Variants in ST6GAL2 observed in about 807,000 individuals in gnomAD.
The protein encoded by ST6GAL2 is ST6 beta-galactoside alpha-2,6-sialyltransferase 2.
In ST6GAL2, 24 loss-of-function variants were observed where a neutral mutation model predicts 37.5. That is an observed-to-expected ratio of 0.64 (90% CI 0.46 to 0.90). ST6GAL2 has a LOEUF of 0.90. ST6GAL2 is among the 40% of genes least tolerant of loss of function. The probability of loss-of-function intolerance (pLI) is 0.00; values close to 1 mark genes in which losing one functional copy is unlikely to be tolerated. For missense variants in ST6GAL2, 715 were observed against 712.7 expected, an observed-to-expected ratio of 1.00 and a Z score of -0.04; for synonymous variants, 306 against 295.1, an observed-to-expected ratio of 1.04 and a Z score of -0.38.
At chr2:106,878,294 C>T (rs1195840985) in intron 1 of ST6GAL2, among the ~76,000 whole-genome samples, 1 of 151,362 alleles carries the variant, frequency 6.6e-6, no homozygotes, top group Non-Finnish European at 1.5e-5. Context: ...GAGACCCTGT[C>T]TCTCCAAAAA....
chr2:106,813,307 T>G (rs1675681778), intron 5 of ST6GAL2: 1 of 944,020 alleles, frequency 1.1e-6, no homozygotes, highest in Non-Finnish European at 1.4e-6. Flanking sequence ...TTTGCTGAAC[T>G]GTATGCTTTT....
Position 106,876,282 on chromosome 2 carries a change from T to C in ST6GAL2, c.-58+9811A>G, listed in dbSNP as rs143107450. 7.4e-3 allele frequency among the ~76,000 whole-genome samples: 1,130 copies of C among 152,336 alleles called. 16 individuals carry two copies. The highest frequency in any genetic ancestry group is 0.026 in the African/African-American group (1,062 of 41,570). The stretch of plus-strand genomic sequence containing the variant: ...TACATTTTAAAATTTACTTTTGGTC[T>C]TCTGGTTATAGTCTACTGAAGGAAG... On this transcript the variant is annotated intron_variant, in intron 1 of 5. Coordinates refer to ENST00000409382, the MANE Select transcript of ST6GAL2 (RefSeq NM_001142351.2).
chr2:106,861,476 G>A (rs1169526346), intron 1 of ST6GAL2, among the ~76,000 whole-genome samples: 1 of 152,088 alleles, frequency 6.6e-6, no homozygotes, highest in Non-Finnish European at 1.5e-5. Flanking sequence ...GTGCTAGATG[G>A]TGGGGATTAA....
intron 1 of ST6GAL2, among the ~76,000 whole-genome samples, chr2:106,879,439 C>T (rs1367174849): frequency 6.6e-6 from 1 of 152,088 alleles, no homozygotes; most frequent in Non-Finnish European, 1.5e-5. Context: ...AAATAACCTA[C>T]TTAAAGGCAC....
At chr2:106,856,847 A>C (rs1287286305) in intron 1 of ST6GAL2, among the ~76,000 whole-genome samples, 1 of 152,254 alleles carries the variant, frequency 6.6e-6, no homozygotes, top group Admixed American at 6.5e-5. Flanking sequence ...TTTTGAATTT[A>C]GATATTCTAC....
At chr2:106,813,039 A>AG in intron 5 of ST6GAL2, 2 of 1,229,214 alleles carry the variant, frequency 1.6e-6, no homozygotes, top group Non-Finnish European at 2.0e-6. Context: ...TATTTTTTCA[A>AG]GCCAATCAAA....
chr2:106,885,310 T>C (rs536154745), intron 1 of ST6GAL2, among the ~76,000 whole-genome samples: 7 of 152,090 alleles, frequency 4.6e-5, no homozygotes, highest in African/African-American at 1.7e-4. Flanking sequence ...TAAAAATAAG[T>C]TCACAAAAAT....
At chr2:106,884,906 C>CATATATATATATATAT (rs772381082) in intron 1 of ST6GAL2, among the ~76,000 whole-genome samples, 224 of 76,366 alleles carry the variant, frequency 2.9e-3, no homozygotes, top group South Asian at 6.1e-3. Context: ...ATTTGCAGCG[C>CATATATATATATATAT]ATATATATAT....
chr2:106,882,465 T>C (rs1378410406), intron 1 of ST6GAL2, among the ~76,000 whole-genome samples: 1 of 152,212 alleles, frequency 6.6e-6, no homozygotes, highest in East Asian at 1.9e-4. Context: ...GCAAAGCAAA[T>C]GGCAGGATGT....
At position 106,843,110 on chromosome 2, in the gene ST6GAL2, G is replaced by A; in HGVS notation, c.868C>T (p.Pro290Ser). 6.4e-7 allele frequency: 1 copy of A among 1,559,454 alleles called. No homozygotes were observed. Among genetic ancestry groups the A allele is most frequent in the African/African-American group, 1.4e-5 (1 of 71,156 alleles). The change falls in exon 2 of 6, where the codon CCC becomes TCC. Residue 290 changes from proline to serine, a missense_variant. Physicochemically the swap from Pro to Ser is moderately conservative, Grantham distance 74. Around this residue, in one of 3 missense-constraint regions of ST6GAL2, gnomAD observed 512 missense variants for 488.8 expected, o/e 1.05. Coordinates refer to ENST00000409382, the MANE Select transcript of ST6GAL2 (RefSeq NM_001142351.2). ...ACAGCGCAGCTGCGCAGGCCGCGGG[G>A]GTGCAGCTGGCTCAGGGGCACGGCG... Reference protein sequence around the residue: ...VPAVPLSQLHPRGLRSCAVVM... With the variant: ...VPAVPLSQLHSRGLRSCAVVM...
At chr2:106,858,099 C>G (rs1020640869) in intron 1 of ST6GAL2, among the ~76,000 whole-genome samples, 1 of 152,134 alleles carries the variant, frequency 6.6e-6, no homozygotes, top group African/African-American at 2.4e-5. Context: ...AGCATAAAAG[C>G]TTTTTTGTAT....
At chr2:106,879,017 C>A (rs1678628763) in intron 1 of ST6GAL2, among the ~76,000 whole-genome samples, 1 of 152,196 alleles carries the variant, frequency 6.6e-6, no homozygotes, top group African/African-American at 2.4e-5. Flanking sequence ...GATAGATACA[C>A]ACCATCTAGA....
chr2:106,833,076 C>T (rs1379919887), intron 3 of ST6GAL2, among the ~76,000 whole-genome samples: 2 of 152,162 alleles, frequency 1.3e-5, no homozygotes, highest in Non-Finnish European at 2.9e-5. Flanking sequence ...AGCCTTCCCT[C>T]TGTGGCCCTA....
At chr2:106,861,591 A>C (rs1286716937) in intron 1 of ST6GAL2, among the ~76,000 whole-genome samples, 1 of 152,026 alleles carries the variant, frequency 6.6e-6, no homozygotes, top group Non-Finnish European at 1.5e-5. Context: ...TTTCATTACT[A>C]AATAAAATAG....
intron 1 of ST6GAL2, among the ~76,000 whole-genome samples, chr2:106,845,478 G>C (rs1242709664): frequency 6.6e-6 from 1 of 152,206 alleles, no homozygotes; most frequent in Admixed American, 6.5e-5. Context: ...ATTCTGAGGG[G>C]AGGGTCTGCC....
intron 1 of ST6GAL2, among the ~76,000 whole-genome samples, chr2:106,854,575 A>G (rs1292516699): frequency 2.6e-5 from 4 of 152,156 alleles, no homozygotes; most frequent in Non-Finnish European, 2.9e-5. Context: ...ATGTTGCATT[A>G]TATGTATTAT....
At chr2:106,838,019 G>C (rs1345217606) in intron 2 of ST6GAL2, among the ~76,000 whole-genome samples, 1 of 152,186 alleles carries the variant, frequency 6.6e-6, no homozygotes, top group Non-Finnish European at 1.5e-5. Context: ...GGTTGGGATG[G>C]AAGGGGAGGG....
At chr2:106,876,416 A>T (rs1381892841) in intron 1 of ST6GAL2, among the ~76,000 whole-genome samples, 1 of 152,342 alleles carries the variant, frequency 6.6e-6, no homozygotes, top group African/African-American at 2.4e-5. Flanking sequence ...ATGATGAACA[A>T]ATATTGAACT....
intron 2 of ST6GAL2, among the ~76,000 whole-genome samples, chr2:106,842,089 A>C (rs4676302): frequency 0.91 from 138,138 of 152,276 alleles, 62,751 homozygotes; most frequent in African/African-American, 0.95. Flanking sequence ...GTTTCCTAAA[A>C]AAGAAACAAT....
Sources: gnomAD v4.1 joint callset for allele counts (sites outside exome capture counted in the v4.1 genomes callset) on GRCh38, gnomAD v4.1.1 for gene constraint, gnomAD v4.1.1 regional missense constraint, MANE v1.5 for transcripts, NCBI Gene and HGNC (gene_info 2026-07-23, HGNC 2026-07-21) for gene names.